The following KIF6 variants were observed in gnomAD, a reference collection of about 807,000 sequenced individuals.
KIF6 encodes the protein kinesin family member 6, also known as kinesin-like protein KIF6.
A neutral mutation model predicts 112.7 loss-of-function variants in KIF6; 106 were observed. That is an observed-to-expected ratio of 0.94 (90% CI 0.80 to 1.11). The LOEUF (loss-of-function observed/expected upper bound fraction) is 1.11, where lower values mean the gene tolerates loss of function less well. Among genes scored for constraint, KIF6 ranks in the 50% least tolerant of loss-of-function variants. The pLI is 0.00. For missense variants in KIF6, 929 were observed against 964.0 expected (o/e 0.96, Z 0.48); for synonymous variants, 339 against 339.9 (o/e 1.00, Z 0.03).
intron 4 of KIF6, among the ~76,000 whole-genome samples, chr6:39,637,588 T>A (rs1784691150): frequency 6.6e-6 from 1 of 151,988 alleles, no homozygotes; most frequent in East Asian, 1.9e-4. Flanking sequence ...TATCTTGAAA[T>A]GAAGACTTTG....
At chr6:39,532,051 C>T (rs1019566490) in intron 13 of KIF6, among the ~76,000 whole-genome samples, 3 of 152,104 alleles carry the variant, frequency 2.0e-5, no homozygotes, top group Non-Finnish European at 4.4e-5. Context: ...ACATTTCTAC[C>T]TTCACCCCCG....
At chr6:39,495,065 G>A (rs1186936992) in intron 13 of KIF6, among the ~76,000 whole-genome samples, 5 of 152,098 alleles carry the variant, frequency 3.3e-5, no homozygotes, top group African/African-American at 4.8e-5. Context: ...GGTCACTCCC[G>A]AGCTAACTAG....
chr6:39,647,685 G>A (rs1785234951), intron 3 of KIF6, among the ~76,000 whole-genome samples: 1 of 151,836 alleles, frequency 6.6e-6, no homozygotes, highest in Admixed American at 6.6e-5. Context: ...CAGGAACCTA[G>A]GTCAAACAGT....
chr6:39,555,018 C>A, intron 10 of KIF6: 1 of 154,780 alleles, frequency 6.5e-6, no homozygotes, highest in Non-Finnish European at 1.4e-5. Flanking sequence ...CAACCCCTAC[C>A]CCATCACTAC....
chr6:39,692,164 CAT>C (rs1788250852), intron 3 of KIF6, among the ~76,000 whole-genome samples: 1 of 152,108 alleles, frequency 6.6e-6, no homozygotes, highest in Admixed American at 6.6e-5. Context: ...AAAACAAAAA[CAT>C]AGATTCTTCA....
intron 5 of KIF6, among the ~76,000 whole-genome samples, chr6:39,618,639 C>T (rs1783655663): frequency 1.3e-5 from 2 of 152,158 alleles, no homozygotes; most frequent in Admixed American, 6.6e-5. Flanking sequence ...CTACAAATCA[C>T]AAAATCTAAT....
Position 39,339,476 on chromosome 6 carries a change from G to C in KIF6, c.2429-2928C>G, listed in dbSNP as rs182955947. Among the ~76,000 whole-genome samples the C allele has an allele frequency of 3.1e-4, 47 of 152,138 alleles. 1 individual carries two copies. Among genetic ancestry groups the C allele is most frequent in the Admixed American group, 1.8e-3 (27 of 15,294 alleles). Reference sequence around the variant, plus strand: ...TTCTGAACACAGAAGAGAGCTGGAGGGTTTCTCTGAGTGGGGCTGGAGGGC... The same window carrying C: ...TTCTGAACACAGAAGAGAGCTGGAGCGTTTCTCTGAGTGGGGCTGGAGGGC... On this transcript the variant is annotated intron_variant, in intron 22 of 22. Transcript: ENST00000287152.
Position 39,420,294 on chromosome 6 carries a change from CCTGGCTGTAAGG to C in KIF6, c.1755-303_1755-292del, listed in dbSNP as rs573908882. On this transcript the variant is annotated intron_variant, in intron 14 of 22. Transcript: ENST00000287152. ...ATGATGCAAAGATATCAGAATAAAG[CCTGGCTGTAAGG>C]TTTCTGTGCTGTGTTCTATTGATTA... Among the ~76,000 whole-genome samples, 827 of 152,274 alleles carry C rather than the reference CCTGGCTGTAAGG, an allele frequency of 5.4e-3. 32 individuals carry two copies. In the East Asian group the frequency reaches 0.094, roughly 17 times the overall value.
At chr6:39,340,105 G>A (rs1166375765) in intron 22 of KIF6, among the ~76,000 whole-genome samples, 1 of 152,236 alleles carries the variant, frequency 6.6e-6, no homozygotes, top group Non-Finnish European at 1.5e-5. Flanking sequence ...ACCATCTGCT[G>A]TATGTCTGAG....
intron 3 of KIF6, among the ~76,000 whole-genome samples, chr6:39,649,721 TAAAGAAAG>T (rs78847578): frequency 0.074 from 4,383 of 59,366 alleles, 141 homozygotes; most frequent in African/African-American, 0.14. Context: ...ACACTCTGAT[TAAAGAAAG>T]AAAGAAAGAA....
At chr6:39,645,173 T>C (rs191573844) in intron 3 of KIF6, among the ~76,000 whole-genome samples, 1 of 152,240 alleles carries the variant, frequency 6.6e-6, no homozygotes, top group African/African-American at 2.4e-5. Context: ...TTTTGCAAAA[T>C]GCACTTTTCC....
chr6:39,644,011 C>T (rs1015990336), intron 3 of KIF6, among the ~76,000 whole-genome samples: 1 of 151,944 alleles, frequency 6.6e-6, no homozygotes, highest in African/African-American at 2.4e-5. Context: ...AATTAAAAAG[C>T]GGGCAACAGA....
chr6:39,567,433 C>T (rs1186132769), intron 10 of KIF6, among the ~76,000 whole-genome samples: 1 of 152,184 alleles, frequency 6.6e-6, no homozygotes, highest in Admixed American at 6.5e-5. Flanking sequence ...AGCCTCTTAA[C>T]TCTCAGTCTA....
rs143235287 is a variant in KIF6 at position 39,676,680 on chromosome 6, G to A, written c.252-36923C>T. ...GAATCATATATATCAGATAAGTAGC[G>A]ACATTAATTTTAGACTTTATAAAGT... On this transcript the variant is annotated intron_variant, in intron 3 of 22. Transcript: ENST00000287152. 1.9e-3 allele frequency among the ~76,000 whole-genome samples: 286 copies of A among 152,040 alleles called. 2 individuals carry two copies. Among genetic ancestry groups the A allele is most frequent in the African/African-American group, 6.2e-3 (256 of 41,510 alleles).
intron 13 of KIF6, among the ~76,000 whole-genome samples, chr6:39,473,636 C>A (rs1774262535): frequency 6.6e-6 from 1 of 152,110 alleles, no homozygotes. Context: ...AAAAAGAAAG[C>A]AATATGCTTT....
At chr6:39,516,728 G>A (rs1459547015) in intron 13 of KIF6, among the ~76,000 whole-genome samples, 1 of 152,146 alleles carries the variant, frequency 6.6e-6, no homozygotes, top group Non-Finnish European at 1.5e-5. Flanking sequence ...CTTTATGGAT[G>A]TGTTGCCACA....
In KIF6 at chr6:39,639,631, G is replaced by A. The variant is rs752408866; in HGVS notation, c.378C>T (p.Tyr126=). Residue 126 remains tyrosine (Y), a synonymous_variant, in exon 4 of 23, where the codon TAC becomes TAT. Coordinates refer to ENST00000287152, the MANE Select transcript of KIF6 (RefSeq NM_145027.6). ...DRGIIPRTLS[Y]IFEQLQKDSS... ...ATACCTTTTGTAACTGTTCAAAAAT[G>A]TATGACAGTGTCCTTGGGATAATGC... 6.3e-7 allele frequency: 1 copy of A among 1,594,518 alleles called. No homozygotes were observed. The highest frequency in any genetic ancestry group is 8.5e-7 in the Non-Finnish European group (1 of 1,173,044).
intron 15 of KIF6, among the ~76,000 whole-genome samples, chr6:39,406,066 A>G (rs1769068686): frequency 6.6e-6 from 1 of 152,098 alleles, no homozygotes; most frequent in Non-Finnish European, 1.5e-5. Flanking sequence ...TCTGTTGCCC[A>G]GGCTGGAGTG....
chr6:39,482,938 A>G (rs994668861), intron 13 of KIF6, among the ~76,000 whole-genome samples: 5 of 152,202 alleles, frequency 3.3e-5, no homozygotes, highest in African/African-American at 9.7e-5. Context: ...AGGTCTTATG[A>G]CCAACCTAGA....
Sources: gnomAD v4.1 joint callset for allele counts (sites outside exome capture counted in the v4.1 genomes callset) on GRCh38, gnomAD v4.1.1 for gene constraint, MANE v1.5 for transcripts, NCBI Gene and HGNC (gene_info 2026-07-23, HGNC 2026-07-21) for gene names.